Variants in RP1 observed in about 807,000 individuals in gnomAD.
RP1 encodes RP1 axonemal microtubule associated.
Under a neutral mutation model 14.8 loss-of-function variants are expected in RP1, and 16 were observed. The ratio of observed to expected loss-of-function variants is 1.08; its 90% confidence interval spans 0.73 to 1.65. RP1 has a LOEUF of 1.65. RP1 is among the 40% of genes most tolerant of loss of function. The probability of loss-of-function intolerance (pLI) is 0.00; values close to 1 mark genes in which losing one functional copy is unlikely to be tolerated. For synonymous variants in RP1, 876 were observed against 883.6 expected, an observed-to-expected ratio of 0.99 and a Z score of 0.15; for missense variants, 2,631 against 2,535.0, an observed-to-expected ratio of 1.04 and a Z score of -0.81.
chr8:54,745,989 G>A (rs912585216), intron 19 of RP1, among the ~76,000 whole-genome samples: 58 of 152,168 alleles, frequency 3.8e-4, no homozygotes, highest in African/African-American at 1.4e-3. Context: ...TTCCAAAAAA[G>A]AAAATGATTG....
intron 1 of RP1, among the ~76,000 whole-genome samples, chr8:54,606,020 T>C (rs2129307307): frequency 6.6e-6 from 1 of 151,806 alleles, no homozygotes; most frequent in Non-Finnish European, 1.5e-5. Context: ...TGTCTTTTAA[T>C]TGGAGTATTT....
upstream of RP1, among the ~76,000 whole-genome samples, chr8:54,615,869 C>T (rs1805704921): frequency 6.6e-6 from 1 of 152,116 alleles, no homozygotes; most frequent in Admixed American, 6.5e-5. Context: ...TGCTTGTGTA[C>T]TGGTGAAGTA....
intron 15 of RP1, among the ~76,000 whole-genome samples, chr8:54,717,724 A>G (rs1018796233): frequency 3.9e-5 from 6 of 152,294 alleles, no homozygotes; most frequent in African/African-American, 1.4e-4. Flanking sequence ...CCAATATTAT[A>G]TAGGAAGTCT....
At chr8:54,671,923 TA>T (rs1220126541) in intron 7 of RP1, among the ~76,000 whole-genome samples, 1 of 152,176 alleles carries the variant, frequency 6.6e-6, no homozygotes, top group African/African-American at 2.4e-5. Flanking sequence ...TTTGAACATT[TA>T]GAAATACAAC....
At chr8:54,576,005 A>G (rs1283777158) in intron 1 of RP1, among the ~76,000 whole-genome samples, 2 of 151,170 alleles carry the variant, frequency 1.3e-5, no homozygotes, top group Non-Finnish European at 2.9e-5. Flanking sequence ...CTATTTATAT[A>G]TCCTAGGGAG....
chr8:54,679,822 A>C (rs1807384114), exon 12 of RP1: 2 of 1,535,838 alleles, frequency 1.3e-6, no homozygotes, highest in African/African-American at 1.4e-5. Context: ...AGAAAGCTGG[A>C]AGTTTACAAA....
intron 24 of RP1, among the ~76,000 whole-genome samples, chr8:54,789,615 C>T (rs544423531): frequency 1.2e-4 from 19 of 152,300 alleles, no homozygotes; most frequent in Admixed American, 5.9e-4. Context: ...TGAAGTTTAG[C>T]TTACAGCCCC....
At chr8:54,737,437 G>A (rs1197453421) in intron 18 of RP1, among the ~76,000 whole-genome samples, 1 of 152,188 alleles carries the variant, frequency 6.6e-6, no homozygotes, top group African/African-American at 2.4e-5. Flanking sequence ...TTACACTTAA[G>A]TGCTAATAGA....
At position 54,602,664 on chromosome 8, in the gene RP1, G is replaced by C. The variant is rs1488737622; in HGVS notation, c.-12-18291G>C. Among the ~76,000 whole-genome samples, 6 of 152,206 alleles carry C rather than the reference G, an allele frequency of 3.9e-5. No homozygotes were observed. The South Asian group carries it at 6.2e-4, about 16-fold the overall frequency. ...TTACAGTCCCAGTAACAGTGTAAAA[G>C]TGTTCCTATTTCTCCACATCCTCTC... On this transcript the variant is annotated intron_variant, in intron 1 of 22. Transcript: ENST00000636932.
chr8:54,571,798 T>C (rs75659305), intron 1 of RP1, among the ~76,000 whole-genome samples: 26 of 150,826 alleles, frequency 1.7e-4, no homozygotes, highest in Admixed American at 1.1e-3. Flanking sequence ...TTTGCTGGCC[T>C]TTTTTTTAGC....
chr8:54,834,897 G>C (rs1293783552), intron 24 of RP1, among the ~76,000 whole-genome samples: 1 of 152,098 alleles, frequency 6.6e-6, no homozygotes, highest in South Asian at 2.1e-4. Flanking sequence ...TGAATTCAGT[G>C]ATCACAAAGC....
chr8:54,569,244 C>A (rs576291123), intron 1 of RP1, among the ~76,000 whole-genome samples: 2 of 152,322 alleles, frequency 1.3e-5, no homozygotes, highest in South Asian at 4.1e-4. Flanking sequence ...CACCTGTCTG[C>A]CCACTCTGAC....
At chr8:54,722,424 C>CGG (rs1201309539) in intron 16 of RP1, among the ~76,000 whole-genome samples, 1 of 151,986 alleles carries the variant, frequency 6.6e-6, no homozygotes, top group Non-Finnish European at 1.5e-5. Flanking sequence ...GCGCCCGCCA[C>CGG]CGCGCCCAGC....
intron 4 of RP1, among the ~76,000 whole-genome samples, chr8:54,652,384 G>T (rs1806672306): frequency 6.6e-6 from 1 of 151,972 alleles, no homozygotes; most frequent in African/African-American, 2.4e-5. Flanking sequence ...TTGTTTTGTT[G>T]CATTACATAT....
At chr8:54,851,233 G>A (rs1459624317) in intron 25 of RP1, among the ~76,000 whole-genome samples, 1 of 152,140 alleles carries the variant, frequency 6.6e-6, no homozygotes, top group East Asian at 1.9e-4. Flanking sequence ...TTGAGGAAGG[G>A]CTGAGTGTTG....
intron 24 of RP1, among the ~76,000 whole-genome samples, chr8:54,787,460 C>T (rs925504575): frequency 4.0e-5 from 6 of 151,858 alleles, no homozygotes; most frequent in African/African-American, 9.7e-5. Flanking sequence ...ATCTAGGGGG[C>T]GTTCATTGTT....
chr8:54,720,040 C>A (rs1808497373), intron 15 of RP1: 27 of 1,106,028 alleles, frequency 2.4e-5, no homozygotes, highest in Non-Finnish European at 3.3e-5. Flanking sequence ...CGAAACGAGA[C>A]AAAATTATAT....
rs557638825 is a variant in RP1 at position 54,817,682 on chromosome 8, A to G, written c.3616-19768A>G. ...TTATGTTACAATATAGGTGAGGAAT[A>G]AACAATTTCCTCACTTATGTAGGGA... On this transcript the variant is annotated intron_variant, in intron 24 of 28. Coordinates refer to the RP1 transcript ENST00000637698. Among the ~76,000 whole-genome samples the G allele has an allele frequency of 5.3e-5, 8 of 152,342 alleles. No homozygotes were observed. In the South Asian group the frequency reaches 8.3e-4, roughly 16 times the overall value.
chr8:54,729,808 CTTA>C (rs1467115543), intron 17 of RP1, among the ~76,000 whole-genome samples: 4 of 151,834 alleles, frequency 2.6e-5, no homozygotes, highest in African/African-American at 7.3e-5. Flanking sequence ...TACCTATTTT[CTTA>C]TTATAATTTG....
Sources: allele counts gnomAD v4.1 joint callset (sites outside exome capture counted in the v4.1 genomes callset), GRCh38; gene constraint gnomAD v4.1.1; transcripts MANE v1.5; gene names NCBI Gene and HGNC (gene_info 2026-07-23, HGNC 2026-07-21).